Variants in OPCML observed in about 807,000 individuals in gnomAD.
OPCML encodes opioid-binding protein/cell adhesion molecule.
Under a neutral mutation model 37.8 loss-of-function variants are expected in OPCML, and 13 were observed. The ratio of observed to expected loss-of-function variants is 0.34; its 90% CI spans 0.22 to 0.55. The LOEUF is 0.55. Among genes scored for constraint, OPCML ranks in the 20% least tolerant of loss-of-function variants. The pLI is 0.91. For missense variants in OPCML, 341 were observed against 435.6 expected (o/e 0.78, Z 1.93); for synonymous variants, 176 against 168.8 (o/e 1.04, Z -0.33).
At chr11:132,940,552 C>G (rs1042358436) in intron 2 of OPCML, among the ~76,000 whole-genome samples, 4 of 152,150 alleles carry the variant, frequency 2.6e-5, no homozygotes, top group Non-Finnish European at 4.4e-5. Flanking sequence ...GTATATTTAT[C>G]TGGGGTTGAA....
At chr11:132,897,112 C>T (rs764715290) in intron 2 of OPCML, among the ~76,000 whole-genome samples, 6 of 152,192 alleles carry the variant, frequency 3.9e-5, no homozygotes, top group Non-Finnish European at 7.3e-5. Flanking sequence ...TCCTCTTGGG[C>T]CATATGACCC....
intron 1 of OPCML, among the ~76,000 whole-genome samples, chr11:133,312,050 C>A (rs1156548031): frequency 6.6e-6 from 1 of 151,868 alleles, no homozygotes; most frequent in Non-Finnish European, 1.5e-5. Context: ...TCCAGGAAAG[C>A]CAGGAAAAAA....
intron 2 of OPCML, among the ~76,000 whole-genome samples, chr11:132,896,590 C>T (rs781747752): frequency 6.6e-6 from 1 of 152,230 alleles, no homozygotes; most frequent in South Asian, 2.1e-4. Flanking sequence ...GCTGGCAAGG[C>T]CAGCAATACA....
intron 2 of OPCML, among the ~76,000 whole-genome samples, chr11:132,658,218 T>C (rs1941798127): frequency 6.6e-6 from 1 of 152,196 alleles, no homozygotes; most frequent in African/African-American, 2.4e-5. Context: ...GGCACACCCA[T>C]CACTCCATGC....
intron 3 of OPCML, among the ~76,000 whole-genome samples, chr11:132,636,861 CT>C (rs1481321124): frequency 1.3e-5 from 2 of 152,100 alleles, no homozygotes; most frequent in African/African-American, 4.8e-5. Context: ...TTTTTCCCTT[CT>C]CTTGAACTTA....
intron 2 of OPCML, among the ~76,000 whole-genome samples, chr11:132,809,097 C>A (rs941114004): frequency 2.0e-5 from 3 of 152,102 alleles, no homozygotes; most frequent in Admixed American, 1.3e-4. Context: ...AAGTGGCACT[C>A]ACTCAGGATT....
At position 132,820,163 on chromosome 11, in the gene OPCML, G is replaced by T. The variant is rs532632139; in HGVS notation, c.146+122763C>A. ...GTGGGATTTGAATCTCCTTCCTGCC[G>T]TCTTGGGTTCTTAGGAGCCCGTAAA... On this transcript the variant is annotated intron_variant, in intron 2 of 7. Transcript: ENST00000524381. Among the ~76,000 whole-genome samples the T allele has an allele frequency of 3.3e-5, 5 of 152,110 alleles. No individual in the cohort carries two copies. The South Asian group carries it at 1.0e-3, about 32-fold the overall frequency.
At chr11:133,222,962 A>C (rs911311740) in intron 1 of OPCML, among the ~76,000 whole-genome samples, 2 of 152,088 alleles carry the variant, frequency 1.3e-5, no homozygotes, top group Non-Finnish European at 2.9e-5. Context: ...TGTACTTGGG[A>C]CATTTAGATT....
chr11:132,580,985 G>A (rs1011005813), intron 3 of OPCML, among the ~76,000 whole-genome samples: 1 of 152,120 alleles, frequency 6.6e-6, no homozygotes, highest in African/African-American at 2.4e-5. Flanking sequence ...GGGGATTTGA[G>A]TCCTGTCCAG....
chr11:133,171,345 A>G (rs938795662), intron 1 of OPCML, among the ~76,000 whole-genome samples: 1 of 151,724 alleles, frequency 6.6e-6, no homozygotes, highest in African/African-American at 2.4e-5. Flanking sequence ...CCTTCCTAAT[A>G]CCTGTTATTT....
chr11:133,326,108 T>C (rs1181343777), intron 1 of OPCML, among the ~76,000 whole-genome samples: 2 of 152,166 alleles, frequency 1.3e-5, no homozygotes, highest in Non-Finnish European at 2.9e-5. Flanking sequence ...ATCCTGAACC[T>C]GTTTTTCTTG....
intron 1 of OPCML, among the ~76,000 whole-genome samples, chr11:133,456,612 A>G (rs1946676482): frequency 6.6e-6 from 1 of 152,168 alleles, no homozygotes; most frequent in Admixed American, 6.5e-5. Context: ...AGACTTCTTA[A>G]ACAATTGTCT....
At chr11:133,011,159 T>C (rs1351349652) in intron 1 of OPCML, among the ~76,000 whole-genome samples, 1 of 152,196 alleles carries the variant, frequency 6.6e-6, no homozygotes, top group Non-Finnish European at 1.5e-5. Context: ...AGAGACCTTG[T>C]CTATGGCTAA....
chr11:132,864,927 G>A (rs371041248), intron 2 of OPCML, among the ~76,000 whole-genome samples: 1 of 152,214 alleles, frequency 6.6e-6, no homozygotes, highest in Non-Finnish European at 1.5e-5. Flanking sequence ...CCCTATGAGT[G>A]AAGGGCTCAT....
intron 1 of OPCML, among the ~76,000 whole-genome samples, chr11:133,277,707 G>C (rs985703841): frequency 3.3e-5 from 5 of 152,030 alleles, no homozygotes; most frequent in Non-Finnish European, 7.4e-5. Flanking sequence ...ATATATGTGT[G>C]TGTATATATG....
intron 1 of OPCML, among the ~76,000 whole-genome samples, chr11:133,337,864 C>G (rs1943778062): frequency 6.6e-6 from 1 of 152,078 alleles, no homozygotes; most frequent in Admixed American, 6.5e-5. Flanking sequence ...ATGAATATTA[C>G]AGCTGAATTC....
chr11:133,326,823 G>A (rs999655436), intron 1 of OPCML, among the ~76,000 whole-genome samples: 2 of 147,510 alleles, frequency 1.4e-5, no homozygotes, highest in African/African-American at 5.0e-5. Context: ...TTGTGGGTGG[G>A]GGTTGTGGGT....
intron 1 of OPCML, among the ~76,000 whole-genome samples, chr11:133,313,164 C>G (rs1592191940): frequency 6.6e-6 from 1 of 152,252 alleles, no homozygotes; most frequent in African/African-American, 2.4e-5. Context: ...ATGCACGGAG[C>G]AGCAAATTTG....
At chr11:133,080,256 ACCCATGCGGT>A (rs1396864541) in intron 1 of OPCML, among the ~76,000 whole-genome samples, 1 of 152,036 alleles carries the variant, frequency 6.6e-6, no homozygotes, top group East Asian at 1.9e-4. Context: ...TCCCCTCATC[ACCCATGCGGT>A]CTTGTGAGAA....
Sources: gnomAD v4.1 joint callset for allele counts (sites outside exome capture counted in the v4.1 genomes callset) on GRCh38, gnomAD v4.1.1 for gene constraint, MANE v1.5 for transcripts, NCBI Gene and HGNC (gene_info 2026-07-23, HGNC 2026-07-21) for gene names.